Variants in BLACAT1 observed in about 807,000 individuals in gnomAD.
The protein encoded by BLACAT1 is bladder cancer associated transcript 1.
At chr1:205,451,408 A>G (rs1666495716) in intron 1 of BLACAT1, among the ~76,000 whole-genome samples, 1 of 152,152 alleles carries the variant, frequency 6.6e-6, no homozygotes, top group Non-Finnish European at 1.5e-5. Flanking sequence ...CAGAGGCCCC[A>G]TTCTTCCTGC....
intron 1 of BLACAT1, among the ~76,000 whole-genome samples, chr1:205,447,424 T>C (rs1666411470): frequency 6.6e-6 from 1 of 152,126 alleles, no homozygotes; most frequent in South Asian, 2.1e-4. Context: ...CCAAATCTAG[T>C]GCTTTCTGTG....
At chr1:205,449,134 G>A (rs748680895) in intron 1 of BLACAT1, among the ~76,000 whole-genome samples, 6 of 152,200 alleles carry the variant, frequency 3.9e-5, no homozygotes, top group Non-Finnish European at 5.9e-5. Flanking sequence ...TGTGGGAGGG[G>A]TGCGCAGTGC....
At chr1:205,454,351 C>T (rs1278852296) in intron 1 of BLACAT1, among the ~76,000 whole-genome samples, 1 of 152,060 alleles carries the variant, frequency 6.6e-6, no homozygotes, top group African/African-American at 2.4e-5. Context: ...GAGGGTCTCT[C>T]CTTCCTCTTC....
At chr1:205,447,025 C>T (rs1455135057) in intron 1 of BLACAT1, among the ~76,000 whole-genome samples, 2 of 152,220 alleles carry the variant, frequency 1.3e-5, no homozygotes, top group African/African-American at 4.8e-5. Context: ...GACGTGCATC[C>T]AATAGAGATC....
intron 1 of BLACAT1, among the ~76,000 whole-genome samples, chr1:205,449,303 G>T (rs1336354936): frequency 6.6e-6 from 1 of 152,172 alleles, no homozygotes; most frequent in African/African-American, 2.4e-5. Flanking sequence ...CGGGTCAGCT[G>T]CAGGCATCAG....
At chr1:205,439,411 A>G (rs890950605), downstream of BLACAT1, among the ~76,000 whole-genome samples, 1 of 152,246 alleles carries the variant, frequency 6.6e-6, no homozygotes. Flanking sequence ...AGACAACCTG[A>G]ATCCCACCCA....
At chr1:205,443,246 CACAA>C (rs1490383368) in intron 1 of BLACAT1, among the ~76,000 whole-genome samples, 1 of 152,140 alleles carries the variant, frequency 6.6e-6, no homozygotes, top group Non-Finnish European at 1.5e-5. Flanking sequence ...GTAGCAGCCC[CACAA>C]ACAGGTCAAG....
At chr1:205,453,603 A>C (rs1326265010) in intron 1 of BLACAT1, among the ~76,000 whole-genome samples, 1 of 152,194 alleles carries the variant, frequency 6.6e-6, no homozygotes, top group Non-Finnish European at 1.5e-5. Context: ...GAGAGACGGG[A>C]GACCTGGCAA....
At chr1:205,452,851 A>T (rs1483660868) in intron 1 of BLACAT1, among the ~76,000 whole-genome samples, 1 of 152,194 alleles carries the variant, frequency 6.6e-6, no homozygotes, top group East Asian at 1.9e-4. Flanking sequence ...AGCATTTCAC[A>T]TTATTCTATG....
downstream of BLACAT1, among the ~76,000 whole-genome samples, chr1:205,439,153 CTT>C (rs574966607): frequency 6.6e-6 from 1 of 152,226 alleles, no homozygotes; most frequent in Non-Finnish European, 1.5e-5. Flanking sequence ...CTGCCCATCT[CTT>C]TGCCTCACCC....
At chr1:205,453,617 T>C (rs1666524631) in intron 1 of BLACAT1, among the ~76,000 whole-genome samples, 1 of 151,964 alleles carries the variant, frequency 6.6e-6, no homozygotes, top group South Asian at 2.1e-4. Context: ...CTGGCAATAG[T>C]CCCAGGCAAT....
intron 1 of BLACAT1, among the ~76,000 whole-genome samples, chr1:205,451,038 T>C (rs1055141070): frequency 3.3e-5 from 5 of 152,146 alleles, no homozygotes; most frequent in African/African-American, 9.7e-5. Context: ...TGCAGCTTGC[T>C]GGTGGTGAGA....
chr1:205,442,149 G>A (rs1558743999), intron 1 of BLACAT1, among the ~76,000 whole-genome samples: 1 of 152,202 alleles, frequency 6.6e-6, no homozygotes, highest in Non-Finnish European at 1.5e-5. Context: ...AGCGCCCTGC[G>A]TGGAGGTCAG....
chr1:205,450,581 C>T lies in BLACAT1; in HGVS notation c.-37+5336G>A, dbSNP rs553837673. ...TTCCATTTCCTTTCTCAGACCTGCTCGAGCCTGGCCCCCTCCACCCACCCT... is the reference window on the plus strand; with the variant it reads ...TTCCATTTCCTTTCTCAGACCTGCTTGAGCCTGGCCCCCTCCACCCACCCT... On this transcript the variant is annotated intron_variant, in intron 1 of 1. Transcript: ENST00000629624. The surrounding 1 kb of genome is among the most constrained non-coding windows in gnomAD (Gnocchi z 4.4). 5.7e-4 allele frequency among the ~76,000 whole-genome samples: 87 copies of T among 152,158 alleles called. 1 individual carries two copies. The Middle Eastern group carries it at 0.01, about 18-fold the overall frequency.
At chr1:205,438,122 C>T (rs1304139863), downstream of BLACAT1, among the ~76,000 whole-genome samples, 2 of 152,174 alleles carry the variant, frequency 1.3e-5, no homozygotes, top group Non-Finnish European at 2.9e-5. Flanking sequence ...GCACCCTTCA[C>T]ACTTCTTGAT....
At chr1:205,454,169 C>T (rs1411801361) in intron 1 of BLACAT1, among the ~76,000 whole-genome samples, 1 of 152,186 alleles carries the variant, frequency 6.6e-6, no homozygotes, top group Middle Eastern at 3.2e-3. Flanking sequence ...CCGTGCTAGG[C>T]ACCAGGAGAC....
chr1:205,448,293 G>C lies in BLACAT1; in HGVS notation c.-36-7231C>G. 1.9e-6 allele frequency: 1 copy of C among 526,562 alleles called. No individual in the cohort carries two copies. The highest frequency in any genetic ancestry group is 1.4e-5 in the South Asian group (1 of 71,290). 32.6% of individuals were successfully genotyped at this position (526,562 alleles called of 1,614,324 possible). The stretch of plus-strand genomic sequence containing the variant: ...CTGGTCCCATGGGAGGTGCAGCTGC[G>C]CAGGAGAAGGAGCTCGCCCCTCACT... On this transcript the variant is annotated intron_variant, in intron 1 of 1. Coordinates refer to ENST00000629624, the Ensembl canonical transcript of BLACAT1. The surrounding 1 kb of genome is among the most constrained non-coding windows in gnomAD (Gnocchi z 4.7).
chr1:205,439,654 A>G (rs1666260919), downstream of BLACAT1, among the ~76,000 whole-genome samples: 1 of 152,160 alleles, frequency 6.6e-6, no homozygotes, highest in Non-Finnish European at 1.5e-5. Flanking sequence ...ACCTGTCAGA[A>G]GGGCTATTCT....
At chr1:205,455,416 G>T (rs995599525) in intron 1 of BLACAT1, among the ~76,000 whole-genome samples, 1 of 152,162 alleles carries the variant, frequency 6.6e-6, no homozygotes, top group African/African-American at 2.4e-5. Context: ...CCAAACTGGG[G>T]TCTCCTGGGG....
Sources: gnomAD v4.1 joint callset for allele counts (sites outside exome capture counted in the v4.1 genomes callset) on GRCh38, gnomAD v4.1.1 for gene constraint, Gnocchi (gnomAD v3.1) non-coding constraint, MANE v1.5 for transcripts, NCBI Gene and HGNC (gene_info 2026-07-23, HGNC 2026-07-21) for gene names.